LRRK2: variants seen among roughly 807,000 people sequenced by gnomAD.
LRRK2 encodes the protein leucine rich repeat kinase 2, also known as leucine-rich repeat serine/threonine-protein kinase 2.
LRRK2 carries 203 observed loss-of-function variants against 302.6 expected under a neutral mutation model. The observed-to-expected ratio is 0.67, with a 90% CI of 0.60 to 0.75. LRRK2 has a LOEUF of 0.75. Ranked by LOEUF, LRRK2 falls within the 30% of genes least tolerant of loss-of-function variation. LRRK2 has a pLI of 0.00. For missense variants in LRRK2, 2,830 were observed against 2,951.0 expected, an observed-to-expected ratio of 0.96 and a Z score of 0.95; for synonymous variants, 1,066 against 1,031.9, an observed-to-expected ratio of 1.03 and a Z score of -0.63.
chr12:40,298,798 T>TATATATATATATATATATATATATATAA (rs57355300), intron 24 of LRRK2, among the ~76,000 whole-genome samples: 1 of 94,248 alleles, frequency 1.1e-5, no homozygotes, highest in African/African-American at 4.2e-5. Context: ...TATATATATA[T>TATATATATATATATATATATATATATAA]AATATATGTA....
At position 40,263,780 on chromosome 12, in the gene LRRK2, T is replaced by C; in HGVS notation, c.1544-9T>C. 1 of 1,570,962 alleles carries C rather than the reference T, an allele frequency of 6.4e-7. No homozygotes were observed. Among genetic ancestry groups the C allele is most frequent in the Non-Finnish European group, 8.8e-7 (1 of 1,141,520 alleles). On this transcript the variant is annotated splice_polypyrimidine_tract_variant and intron_variant, in intron 13 of 50. Coordinates refer to ENST00000298910, the MANE Select transcript of LRRK2 (RefSeq NM_198578.4). ...AATTCTTTCTTTATTTATTTATCTG[T>C]GCATTTAGGCATGCCAGAAGAATCC...
chr12:40,342,735 T>C (rs1023057427), intron 41 of LRRK2, among the ~76,000 whole-genome samples: 18 of 152,242 alleles, frequency 1.2e-4, no homozygotes, highest in Admixed American at 9.2e-4. Context: ...GTTTAATGAA[T>C]CTTCCTGTTA....
chr12:40,340,534 A>G, intron 41 of LRRK2, 80 bp downstream of exon 41: 2 of 1,412,092 alleles, frequency 1.4e-6, no homozygotes, highest in Non-Finnish European at 2.0e-6. Flanking sequence ...AGAAGAGTCA[A>G]AAGGAAAACA....
At chr12:40,306,156 ATTC>A (rs1446715687) in intron 28 of LRRK2, among the ~76,000 whole-genome samples, 190 bp downstream of exon 28, 3 of 152,146 alleles carry the variant, frequency 2.0e-5, no homozygotes, top group Admixed American at 1.3e-4. Flanking sequence ...GAGATTTCTC[ATTC>A]TTCTTAGCCA....
Position 40,302,668 on chromosome 12 carries a change from T to G in LRRK2, c.3497-121T>G, listed in dbSNP as rs1460468233. 9.4e-6 allele frequency: 7 copies of G among 746,410 alleles called. No homozygotes were observed. In the Admixed American group the frequency reaches 1.5e-4, roughly 16 times the overall value. The allele number at this position is 746,410 out of a possible 1,614,324, so 46.2% of individuals were successfully genotyped here. On this transcript the variant is annotated intron_variant, in intron 25 of 50. Transcript: ENST00000298910. ...TTTTTAAAAGTGGATTTTTAAAAAT[T>G]GTCAGTGTGAGAATGGAAATCAAAT...
intron 26 of LRRK2, among the ~76,000 whole-genome samples, chr12:40,303,554 G>A (rs775315367): frequency 2.0e-5 from 3 of 152,008 alleles, no homozygotes; most frequent in Non-Finnish European, 4.4e-5. Flanking sequence ...GAGCTCTTCT[G>A]TGAGCTTATA....
At chr12:40,260,491 G>A (rs1942721260) in intron 13 of LRRK2, among the ~76,000 whole-genome samples, 1 of 151,620 alleles carries the variant, frequency 6.6e-6, no homozygotes, top group African/African-American at 2.4e-5. Flanking sequence ...AGTGAGGCAT[G>A]GAGGATAAGG....
At chr12:40,306,980 C>G (rs2136803090) in intron 28 of LRRK2, among the ~76,000 whole-genome samples, 1 of 151,978 alleles carries the variant, frequency 6.6e-6, no homozygotes, top group Admixed American at 6.6e-5. Flanking sequence ...TGGTTCAGTT[C>G]TTACTAAACA....
chr12:40,323,135 T>TA (rs776810434), intron 37 of LRRK2, 25 bp from the exon 38 acceptor site: 24 of 1,602,756 alleles, frequency 1.5e-5, no homozygotes, highest in Middle Eastern at 1.6e-4. Context: ...TGTTTTTATT[T>TA]AAAAAATGTT....
In LRRK2 at chr12:40,309,126, A is replaced by T. The variant is rs199579191; in HGVS notation, c.4210A>T (p.Thr1404Ser). ...TTTAGGTCGTGAGGAATTCTATAGT[A>T]CTCATCCCCATTTTATGACGCAGCG... ...DFAGREEFYS[T>S]HPHFMTQRAL... The change falls in exon 30 of 51, where the codon ACT (threonine) becomes TCT (serine). Residue 1404 changes from threonine to serine, a missense_variant. Physicochemically the swap from Thr to Ser is moderately conservative, Grantham distance 58. Around this residue, in one of 3 missense-constraint regions of LRRK2, gnomAD observed 2,121 missense variants for 2,148.0 expected, o/e 0.99. Transcript: ENST00000298910. 1.2e-6 allele frequency: 2 copies of T among 1,613,756 alleles called. No individual in the cohort carries two copies. The highest frequency in any genetic ancestry group is 1.7e-6 in the Non-Finnish European group (2 of 1,179,852).
chr12:40,269,761 A>G (rs117673709), intron 14 of LRRK2, among the ~76,000 whole-genome samples: 128 of 152,282 alleles, frequency 8.4e-4, no homozygotes, highest in Non-Finnish European at 1.6e-3. Flanking sequence ...ATGTGTACGA[A>G]TGTATTTCCC....
In LRRK2 at chr12:40,226,900, ACT is replaced by A. The variant is rs1263892751; in HGVS notation, c.237+1263_237+1264del. The stretch of plus-strand genomic sequence containing the variant: ...GATTCTGGCCACCTTCATTCCCTAG[ACT>A]CTGTACTTGATAGAGTCACTCCTGC... On this transcript the variant is annotated intron_variant, in intron 2 of 50. Coordinates refer to ENST00000298910, the MANE Select transcript of LRRK2 (RefSeq NM_198578.4). Among the ~76,000 whole-genome samples, 12 of 151,626 alleles carry A rather than the reference ACT, an allele frequency of 7.9e-5. No individual in the cohort carries two copies. The East Asian group carries it at 2.3e-3, about 29-fold the overall frequency.
chr12:40,335,372 T>C (rs1374179015), intron 40 of LRRK2, among the ~76,000 whole-genome samples: 1 of 152,224 alleles, frequency 6.6e-6, no homozygotes, highest in Non-Finnish European at 1.5e-5. Context: ...TAATAGACTT[T>C]GAACCCACAA....
chr12:40,324,964 A>AGTGTATGTGGTGTAGTGTAT (rs1945501091), intron 38 of LRRK2, among the ~76,000 whole-genome samples: 1 of 152,174 alleles, frequency 6.6e-6, no homozygotes, highest in African/African-American at 2.4e-5. Flanking sequence ...ACACGTTTTG[A>AGTGTATGTGGTGTAGTGTAT]GTAGTGTATG....
Position 40,237,969 on chromosome 12 carries a change from G to A in LRRK2, c.437G>A (p.Gly146Asp), listed in dbSNP as rs1388319769. The A allele has an allele frequency of 6.2e-7, 1 of 1,610,146 alleles. No homozygotes were observed. Among genetic ancestry groups the A allele is most frequent in the South Asian group, 1.1e-5 (1 of 91,010 alleles). ...LKTLDLLLTS[G>D]KITLLILDEE... ...GAGCATATTATTCTCTTTAAAATAG[G>A]TAAAATCACCTTGCTGATATTGGAT... The change falls in exon 5 of 51, where the codon GGT becomes GAT. Residue 146 changes from glycine (G) to aspartate (D), a missense_variant and splice_region_variant. Physicochemically the swap from Gly to Asp is moderately conservative, Grantham distance 94. This residue lies in a region of LRRK2 where 2,121 missense variants were observed against 2,148.0 expected (regional missense o/e 0.99). Transcript: ENST00000298910.
chr12:40,349,569 TGGAGTGC>T (rs1946294150), intron 43 of LRRK2, among the ~76,000 whole-genome samples: 1 of 123,138 alleles, frequency 8.1e-6, no homozygotes, highest in Non-Finnish European at 1.8e-5. Context: ...GCTGGAGTGC[TGGAGTGC>T]AGTGGCAGGA....
At chr12:40,235,355 C>G (rs1941402495) in intron 3 of LRRK2, among the ~76,000 whole-genome samples, 1 of 152,146 alleles carries the variant, frequency 6.6e-6, no homozygotes, top group African/African-American at 2.4e-5. Flanking sequence ...ACCTGTATCC[C>G]TAGCAACTCA....
intron 22 of LRRK2, among the ~76,000 whole-genome samples, chr12:40,295,135 T>C (rs773682048): frequency 8.5e-5 from 13 of 152,142 alleles, no homozygotes; most frequent in Non-Finnish European, 1.3e-4. Context: ...TAGTCTTTTT[T>C]TTTACAAGTT....
In LRRK2 at chr12:40,345,779, G is replaced by A. The variant is rs186658471; in HGVS notation, c.6110-974G>A. Among the ~76,000 whole-genome samples, 771 of 152,084 alleles carry A rather than the reference G, an allele frequency of 5.1e-3. 10 individuals carry two copies. Among genetic ancestry groups the A allele is most frequent in the African/African-American group, 0.017 (688 of 41,458 alleles). On this transcript the variant is annotated intron_variant, in intron 41 of 50. Transcript: ENST00000298910. ...AATGAATCATTGAAATTAAGTTGTA[G>A]ACATCATGCCATATCACCTCTGAAC...
Sources: allele counts gnomAD v4.1 joint callset (sites outside exome capture counted in the v4.1 genomes callset), GRCh38; gene constraint gnomAD v4.1.1; regional missense constraint gnomAD v4.1.1; transcripts MANE v1.5; gene names NCBI Gene and HGNC (gene_info 2026-07-23, HGNC 2026-07-21).